TRHDE: variants seen among roughly 807,000 people sequenced by gnomAD.
The protein encoded by TRHDE is thyrotropin releasing hormone degrading enzyme.
TRHDE carries 72 observed loss-of-function variants against 125.7 expected under a neutral mutation model. That is an observed-to-expected ratio of 0.57 (90% CI 0.47 to 0.70). The LOEUF (loss-of-function observed/expected upper bound fraction) is 0.70. Ranked by LOEUF, TRHDE falls within the 30% of genes least tolerant of loss-of-function variation. The pLI, the probability that TRHDE is intolerant of heterozygous loss-of-function variation, is 0.00. For missense variants in TRHDE, 1,110 were observed against 1,327.1 expected (o/e 0.84, Z 2.54); for synonymous variants, 509 against 509.1 (o/e 1.00, Z 0.00).
At chr12:72,612,584 C>T (rs933360356) in intron 12 of TRHDE, among the ~76,000 whole-genome samples, 1 of 152,118 alleles carries the variant, frequency 6.6e-6, no homozygotes, top group African/African-American at 2.4e-5. Context: ...ACTTTAGCTT[C>T]TTTCTCTCAA....
intron 12 of TRHDE, among the ~76,000 whole-genome samples, chr12:72,585,876 C>T (rs542297333): frequency 6.6e-6 from 1 of 152,290 alleles, no homozygotes; most frequent in South Asian, 2.1e-4. Flanking sequence ...ATTAGTTAAA[C>T]TCTAAAGAAA....
At chr12:72,163,311 A>C (rs923923656) in intron 2 of TRHDE, among the ~76,000 whole-genome samples, 1 of 152,110 alleles carries the variant, frequency 6.6e-6, no homozygotes, top group African/African-American at 2.4e-5. Context: ...TCCCTTGAAT[A>C]CCTATAACAG....
chr12:72,360,424 G>A (rs1295832249), intron 2 of TRHDE, among the ~76,000 whole-genome samples: 2 of 151,704 alleles, frequency 1.3e-5, no homozygotes, highest in African/African-American at 2.4e-5. Context: ...GGTAAAATAG[G>A]CAGTTTGCAG....
At chr12:72,546,050 A>G (rs1411901416) in intron 7 of TRHDE, among the ~76,000 whole-genome samples, 1 of 151,662 alleles carries the variant, frequency 6.6e-6, no homozygotes, top group East Asian at 1.9e-4. Flanking sequence ...TTTCAGAGAC[A>G]AGAAAAGCTA....
intron 5 of TRHDE, among the ~76,000 whole-genome samples, chr12:72,482,641 T>G (rs991723560): frequency 1.3e-5 from 2 of 151,958 alleles, no homozygotes; most frequent in Non-Finnish European, 2.9e-5. Flanking sequence ...CAGATTTCTG[T>G]TCTTTTGATT....
intron 1 of TRHDE, among the ~76,000 whole-genome samples, chr12:72,282,402 T>C: frequency 6.6e-6 from 1 of 152,216 alleles, no homozygotes; most frequent in East Asian, 1.9e-4. Context: ...GACTCTTTGA[T>C]GTTTTTAATG....
chr12:72,245,260 T>TGTGA (rs1421072412), intron 2 of TRHDE, among the ~76,000 whole-genome samples: 1 of 151,876 alleles, frequency 6.6e-6, no homozygotes, highest in African/African-American at 2.4e-5. Context: ...TGTGTGTGTG[T>TGTGA]GTGTGTGTGT....
At chr12:72,189,688 A>T (rs1403254488) in intron 2 of TRHDE, among the ~76,000 whole-genome samples, 1 of 152,194 alleles carries the variant, frequency 6.6e-6, no homozygotes, top group Non-Finnish European at 1.5e-5. Context: ...AAGGAGGCAT[A>T]ATGCTTAGGG....
intron 2 of TRHDE, among the ~76,000 whole-genome samples, chr12:72,251,794 G>C (rs921041587): frequency 3.3e-5 from 5 of 152,038 alleles, no homozygotes; most frequent in Admixed American, 3.3e-4. Flanking sequence ...CAATGCATGA[G>C]TGATTCGATT....
intron 2 of TRHDE, among the ~76,000 whole-genome samples, chr12:72,143,336 A>T (rs1876159330): frequency 6.6e-6 from 1 of 152,160 alleles, no homozygotes. Flanking sequence ...TGAAGCTTTA[A>T]TAGAGTTTCA....
chr12:72,593,127 C>G (rs1283108790), intron 12 of TRHDE, among the ~76,000 whole-genome samples: 1 of 152,200 alleles, frequency 6.6e-6, no homozygotes, highest in Non-Finnish European at 1.5e-5. Context: ...CTCCTACTCA[C>G]TTCAGTGTTT....
chr12:72,310,670 T>C (rs553854947), intron 2 of TRHDE, among the ~76,000 whole-genome samples: 1 of 152,118 alleles, frequency 6.6e-6, no homozygotes, highest in Non-Finnish European at 1.5e-5. Flanking sequence ...TTTTAACTTG[T>C]AACTCTGAAG....
chr12:72,125,361 G>T (rs1418011666), intron 2 of TRHDE, among the ~76,000 whole-genome samples: 1 of 151,800 alleles, frequency 6.6e-6, no homozygotes, highest in Non-Finnish European at 1.5e-5. Context: ...GTTTCCATGG[G>T]TTTTCTAATT....
chr12:72,636,812 A>G (rs1442942969), intron 15 of TRHDE, among the ~76,000 whole-genome samples: 1 of 152,080 alleles, frequency 6.6e-6, no homozygotes, highest in East Asian at 1.9e-4. Context: ...ACATTTATTG[A>G]TTTGCATATA....
chr12:72,397,420 G>A (rs1565726795), intron 3 of TRHDE, among the ~76,000 whole-genome samples: 1 of 152,042 alleles, frequency 6.6e-6, no homozygotes, highest in Non-Finnish European at 1.5e-5. Flanking sequence ...CAACAACCAA[G>A]AGTAAACCTT....
chr12:72,287,663 G>A (rs1230676299), intron 2 of TRHDE, among the ~76,000 whole-genome samples: 3 of 151,882 alleles, frequency 2.0e-5, no homozygotes, highest in Non-Finnish European at 2.9e-5. Flanking sequence ...TGTAAATAAT[G>A]TCCTGCAACT....
intron 2 of TRHDE, among the ~76,000 whole-genome samples, chr12:72,316,345 T>C (rs2135705213): frequency 6.6e-6 from 1 of 152,258 alleles, no homozygotes; most frequent in South Asian, 2.1e-4. Context: ...CAGGTATCAC[T>C]AAGAGCCTGG....
In TRHDE at chr12:72,220,187, A is replaced by G. The variant is rs150684803; in HGVS notation, n.279+114435A>G. Among the ~76,000 whole-genome samples, 592 of 152,274 alleles carry G rather than the reference A, an allele frequency of 3.9e-3. 5 individuals carry two copies. Among genetic ancestry groups the G allele is most frequent in the African/African-American group, 0.014 (567 of 41,556 alleles). On this transcript the variant is annotated intron_variant and non_coding_transcript_variant, in intron 2 of 4. Coordinates refer to the TRHDE transcript ENST00000548156. ...GAAAGCCTTATATGACTTGGATTGCATCTTTTAACAAGCCTCTTAAATGTC... is the reference window on the plus strand; with the variant it reads ...GAAAGCCTTATATGACTTGGATTGCGTCTTTTAACAAGCCTCTTAAATGTC...
At chr12:72,419,780 A>T (rs1367711132) in intron 3 of TRHDE, among the ~76,000 whole-genome samples, 1 of 152,186 alleles carries the variant, frequency 6.6e-6, no homozygotes, top group African/African-American at 2.4e-5. Flanking sequence ...AAGGGAGATA[A>T]CTGATGTAAA....
Sources: allele counts gnomAD v4.1 joint callset (sites outside exome capture counted in the v4.1 genomes callset), GRCh38; gene constraint gnomAD v4.1.1; transcripts MANE v1.5; gene names NCBI Gene and HGNC (gene_info 2026-07-23, HGNC 2026-07-21).